USP32: variants seen among roughly 807,000 people sequenced by gnomAD.
USP32 encodes ubiquitin carboxyl-terminal hydrolase 32.
In USP32, 59 loss-of-function variants were observed where a neutral mutation model predicts 204.8. The observed-to-expected ratio is 0.29, with a 90% confidence interval of 0.23 to 0.36. USP32 has a LOEUF of 0.36. USP32 is among the 10% of genes least tolerant of loss of function. The pLI, the probability that USP32 is intolerant of heterozygous loss-of-function variation, is 1.00. For missense variants in USP32, 1,160 were observed against 1,946.4 expected (o/e 0.60, Z 7.60); for synonymous variants, 517 against 678.4 (o/e 0.76, Z 3.70).
intron 2 of USP32, among the ~76,000 whole-genome samples, chr17:60,302,659 G>A (rs2087614768): frequency 6.6e-6 from 1 of 152,100 alleles, no homozygotes; most frequent in Non-Finnish European, 1.5e-5. Flanking sequence ...AGAGTACAAA[G>A]GTCCTCCAAT....
intron 1 of USP32, among the ~76,000 whole-genome samples, chr17:60,388,906 A>G (rs978956362): frequency 1.1e-4 from 16 of 152,240 alleles, no homozygotes; most frequent in African/African-American, 1.7e-4. Context: ...TGTCATTAAC[A>G]TAACACTTCG....
At chr17:60,344,128 ATTTT>A (rs1223926673) in intron 2 of USP32, among the ~76,000 whole-genome samples, 2 of 131,174 alleles carry the variant, frequency 1.5e-5, no homozygotes, top group African/African-American at 3.0e-5. Flanking sequence ...TAAAATTCCT[ATTTT>A]TTTTTTTTTT....
Position 60,256,080 on chromosome 17 carries a change from T to G in USP32, c.991-822A>C, listed in dbSNP as rs1178036562. Reference sequence around the variant, plus strand: ...ATCACTGGGCATGGTGGCATGTGCCTGTAGTCCCAGCTACTCCAGAGGCTG... The same window carrying G: ...ATCACTGGGCATGGTGGCATGTGCCGGTAGTCCCAGCTACTCCAGAGGCTG... On this transcript the variant is annotated intron_variant, in intron 9 of 33. Coordinates refer to ENST00000300896, the MANE Select transcript of USP32 (RefSeq NM_032582.4). Among the ~76,000 whole-genome samples, 6 of 152,064 alleles carry G rather than the reference T, an allele frequency of 3.9e-5. No individual in the cohort carries two copies. The East Asian group carries it at 9.6e-4, about 24-fold the overall frequency.
At chr17:60,388,252 T>G (rs1052950039) in intron 1 of USP32, among the ~76,000 whole-genome samples, 1 of 150,526 alleles carries the variant, frequency 6.6e-6, no homozygotes, top group Non-Finnish European at 1.5e-5. Flanking sequence ...ATTACTACAA[T>G]TTAAAAGTTA....
chr17:60,224,233 CCTT>C (rs1298266099), intron 13 of USP32, among the ~76,000 whole-genome samples: 2 of 152,232 alleles, frequency 1.3e-5, no homozygotes, highest in African/African-American at 4.8e-5. Flanking sequence ...CACTTTGTAA[CCTT>C]CTGCCTGTGG....
Position 60,345,612 on chromosome 17 carries a change from C to A in USP32, c.59-4G>T, listed in dbSNP as rs1054410664. On this transcript the variant is annotated splice_polypyrimidine_tract_variant and splice_region_variant and intron_variant, in intron 1 of 33. Coordinates refer to ENST00000300896, the MANE Select transcript of USP32 (RefSeq NM_032582.4). The stretch of plus-strand genomic sequence containing the variant: ...CGTTTTAGCTCTACATCTGTAACTG[C>A]AATTCAGAAACAGAAGATGGGTAAG... 9.9e-6 allele frequency: 16 copies of A among 1,613,808 alleles called. No homozygotes were observed. The highest frequency in any genetic ancestry group is 1.4e-5 in the Non-Finnish European group (16 of 1,179,928).
intron 11 of USP32, among the ~76,000 whole-genome samples, chr17:60,246,486 T>A (rs2086031318): frequency 6.6e-6 from 1 of 152,122 alleles, no homozygotes. Context: ...CTATTGTAAG[T>A]AGTGCTGCAA....
chr17:60,342,584 A>G (rs929421458), intron 2 of USP32, among the ~76,000 whole-genome samples: 1 of 152,184 alleles, frequency 6.6e-6, no homozygotes, highest in African/African-American at 2.4e-5. Flanking sequence ...GGCTCCTCCC[A>G]GTTCAAGCTT....
At chr17:60,286,190 TG>T (rs1459118796) in intron 5 of USP32, among the ~76,000 whole-genome samples, 1 of 149,596 alleles carries the variant, frequency 6.7e-6, no homozygotes, top group Admixed American at 6.6e-5. Flanking sequence ...CTGTATCCAA[TG>T]GAAAGAAGAA....
At chr17:60,179,959 C>G (rs976164426) in intron 33 of USP32, among the ~76,000 whole-genome samples, 19 of 150,388 alleles carry the variant, frequency 1.3e-4, no homozygotes, top group Middle Eastern at 3.8e-3. Flanking sequence ...CGTGAGCCAC[C>G]GTGTTCGGCC....
intron 2 of USP32, among the ~76,000 whole-genome samples, chr17:60,307,993 T>C (rs528380629): frequency 5.3e-5 from 8 of 152,130 alleles, no homozygotes; most frequent in Non-Finnish European, 1.0e-4. Context: ...GATGCGGAGT[T>C]AGGGTGGGGC....
chr17:60,225,966 A>T, intron 13 of USP32, 73 bp downstream of exon 13: 1 of 1,436,432 alleles, frequency 7.0e-7, no homozygotes, highest in Non-Finnish European at 9.2e-7. Context: ...AAAAAAAAAA[A>T]AAAAGAAAAG....
chr17:60,290,879 G>C (rs1010005088), intron 4 of USP32, among the ~76,000 whole-genome samples: 1 of 152,118 alleles, frequency 6.6e-6, no homozygotes, highest in Non-Finnish European at 1.5e-5. Context: ...AGATGTCTAG[G>C]GGTCAGTTTT....
At chr17:60,287,987 G>A (rs773310240) in intron 5 of USP32, among the ~76,000 whole-genome samples, 4 of 151,580 alleles carry the variant, frequency 2.6e-5, no homozygotes, top group Non-Finnish European at 2.9e-5. Flanking sequence ...GGTGGTGGGC[G>A]CCTGTAGTCC....
At chr17:60,364,522 G>A (rs1452373063) in intron 1 of USP32, among the ~76,000 whole-genome samples, 1 of 152,114 alleles carries the variant, frequency 6.6e-6, no homozygotes. Flanking sequence ...TCAGATAGGT[G>A]CGCGCCACCA....
At chr17:60,230,714 G>C (rs765194436) in intron 12 of USP32, among the ~76,000 whole-genome samples, 5 of 152,156 alleles carry the variant, frequency 3.3e-5, no homozygotes, top group Non-Finnish European at 5.9e-5. Flanking sequence ...CACAACTCAG[G>C]TTCCTTCTTC....
intron 1 of USP32, among the ~76,000 whole-genome samples, chr17:60,419,478 T>C (rs1175894380): frequency 6.6e-6 from 1 of 152,164 alleles, no homozygotes; most frequent in Non-Finnish European, 1.5e-5. Context: ...GGCTCATGCC[T>C]GTAATCCCAG....
At position 60,207,278 on chromosome 17, in the gene USP32, A is replaced by C. The variant is rs1391165646; in HGVS notation, c.2926-146T>G. On this transcript the variant is annotated intron_variant, in intron 24 of 33. Coordinates refer to ENST00000300896, the MANE Select transcript of USP32 (RefSeq NM_032582.4). ...ATTGAATAATTTTTCAACTACATAA[A>C]GGATGAATGCTTGATAAAAATAACG... is the stretch of plus-strand genomic sequence containing the variant. 14 of 1,338,130 alleles carry C rather than the reference A, an allele frequency of 1.0e-5. No individual in the cohort carries two copies. The Admixed American group carries it at 2.7e-4, about 26-fold the overall frequency. 82.9% of individuals were successfully genotyped at this position (1,338,130 alleles called of 1,614,324 possible).
intron 13 of USP32, 119 bp from the exon 14 acceptor site, chr17:60,223,705 AAG>A: frequency 1.3e-6 from 1 of 786,772 alleles, no homozygotes; most frequent in Non-Finnish European, 1.9e-6. Context: ...AGTACAGATT[AAG>A]ATTCTGGTAA....
Sources: gnomAD v4.1 joint callset for allele counts (sites outside exome capture counted in the v4.1 genomes callset) on GRCh38, gnomAD v4.1.1 for gene constraint, MANE v1.5 for transcripts, NCBI Gene and HGNC (gene_info 2026-07-23, HGNC 2026-07-21) for gene names.